UMAD1: variants seen among roughly 807,000 people sequenced by gnomAD.
The protein encoded by UMAD1 is UBAP1-MVB12-associated (UMA)-domain containing protein 1.
Under a neutral mutation model 6.1 loss-of-function variants are expected in UMAD1, and 8 were observed. The ratio of observed to expected loss-of-function variants is 1.30; its 90% CI spans 0.76 to 2.35. The LOEUF (loss-of-function observed/expected upper bound fraction) is 2.35. UMAD1 is among the 30% of genes most tolerant of loss of function. The pLI is 0.00. For synonymous variants in UMAD1, 56 were observed against 31.4 expected, an observed-to-expected ratio of 1.78 and a Z score of -2.61; for missense variants, 130 against 78.4, an observed-to-expected ratio of 1.66 and a Z score of -2.49.
chr7:7,659,664 G>A (rs1785427251), intron 1 of UMAD1, among the ~76,000 whole-genome samples: 1 of 152,232 alleles, frequency 6.6e-6, no homozygotes, highest in Non-Finnish European at 1.5e-5. Flanking sequence ...ACTGTGGTCT[G>A]AGAGACTGTT....
chr7:7,785,704 G>C (rs1303918158), intron 2 of UMAD1, among the ~76,000 whole-genome samples: 1 of 152,208 alleles, frequency 6.6e-6, no homozygotes, highest in Non-Finnish European at 1.5e-5. Context: ...AAAGCTGAAC[G>C]TGGAGGCCAG....
At chr7:7,774,958 C>T (rs1782172648) in intron 2 of UMAD1, among the ~76,000 whole-genome samples, 2 of 152,214 alleles carry the variant, frequency 1.3e-5, no homozygotes, top group Non-Finnish European at 2.9e-5. Context: ...CCCATTTCTT[C>T]TCTAACCTTT....
chr7:7,677,895 G>A (rs563358807), intron 2 of UMAD1, among the ~76,000 whole-genome samples: 5 of 151,566 alleles, frequency 3.3e-5, no homozygotes, highest in African/African-American at 1.2e-4. Context: ...GGATGGTCTC[G>A]ATCTCCTGAC....
At chr7:7,782,016 G>A (rs1351703351) in intron 2 of UMAD1, among the ~76,000 whole-genome samples, 2 of 152,002 alleles carry the variant, frequency 1.3e-5, no homozygotes, top group African/African-American at 4.8e-5. Context: ...AACTAATGAA[G>A]TTGTAGAATG....
chr7:7,732,427 A>G (rs558874881), intron 2 of UMAD1, among the ~76,000 whole-genome samples: 2 of 152,344 alleles, frequency 1.3e-5, no homozygotes, highest in African/African-American at 2.4e-5. Context: ...GTATAACATC[A>G]TAGCCATTTG....
chr7:7,645,875 G>A (rs1331751298), intron 1 of UMAD1, among the ~76,000 whole-genome samples: 1 of 146,544 alleles, frequency 6.8e-6, no homozygotes, highest in Non-Finnish European at 1.5e-5. Context: ...TTCCTTTTTT[G>A]TATAGTCCTT....
chr7:7,689,580 A>C (rs377569897), intron 2 of UMAD1: 3 of 152,244 alleles, frequency 2.0e-5, no homozygotes, highest in East Asian at 3.9e-4. Context: ...ATCTCCCTGG[A>C]TAATCTTTTC....
chr7:7,650,156 T>C (rs1420674667), intron 1 of UMAD1, among the ~76,000 whole-genome samples: 2 of 152,250 alleles, frequency 1.3e-5, no homozygotes, highest in Non-Finnish European at 2.9e-5. Context: ...TTTTATGCTG[T>C]TGTCTAGAGA....
intron 2 of UMAD1, among the ~76,000 whole-genome samples, chr7:7,796,636 T>A (rs1782689207): frequency 6.6e-6 from 1 of 152,182 alleles, no homozygotes; most frequent in South Asian, 2.1e-4. Flanking sequence ...GGATTCTGGT[T>A]TTCGTTCAAG....
intron 2 of UMAD1, among the ~76,000 whole-genome samples, chr7:7,709,387 A>G (rs775501252): frequency 1.1e-4 from 16 of 152,216 alleles, no homozygotes; most frequent in Non-Finnish European, 1.5e-4. Context: ...TCTCTTAAGA[A>G]GATAAGTCCT....
intron 3 of UMAD1, among the ~76,000 whole-genome samples, chr7:7,824,251 T>G (rs565451662): frequency 1.0e-3 from 157 of 152,214 alleles, no homozygotes; most frequent in Non-Finnish European, 1.5e-3. Context: ...CCGGCTCACC[T>G]TCAGTAACTA....
intron 1 of UMAD1, among the ~76,000 whole-genome samples, chr7:7,648,392 C>T (rs10230651): frequency 0.32 from 48,824 of 151,984 alleles, 9,217 homozygotes; most frequent in African/African-American, 0.52. Flanking sequence ...TTTTTGTATT[C>T]TTATGTTCCA....
chr7:7,676,108 C>G, intron 2 of UMAD1: 1 of 398,698 alleles, frequency 2.5e-6, no homozygotes. Flanking sequence ...GCAGAAGCAT[C>G]TCAGAGGCTC....
intron 2 of UMAD1, among the ~76,000 whole-genome samples, chr7:7,702,168 A>G (rs1780478474): frequency 1.3e-5 from 2 of 152,220 alleles, no homozygotes; most frequent in Admixed American, 1.3e-4. Context: ...TATGATAGTC[A>G]TAGCTTGTCT....
chr7:7,675,245 T>C (rs1318994419), intron 2 of UMAD1, among the ~76,000 whole-genome samples: 6 of 152,232 alleles, frequency 3.9e-5, no homozygotes, highest in African/African-American at 1.4e-4. Context: ...GTAAGTTGGG[T>C]GTACTGGCAT....
intron 3 of UMAD1, among the ~76,000 whole-genome samples, chr7:7,805,403 G>T (rs1201720332): frequency 1.3e-5 from 2 of 152,064 alleles, no homozygotes; most frequent in African/African-American, 4.8e-5. Context: ...TGCACATCCA[G>T]TCTATCAGCA....
At chr7:7,715,759 A>G (rs1427727406) in intron 2 of UMAD1, among the ~76,000 whole-genome samples, 1 of 152,228 alleles carries the variant, frequency 6.6e-6, no homozygotes. Context: ...GATGTAAAAG[A>G]TGTAAGAAAG....
At chr7:7,728,809 A>G (rs192140292) in intron 2 of UMAD1, among the ~76,000 whole-genome samples, 16 of 152,302 alleles carry the variant, frequency 1.1e-4, no homozygotes, top group African/African-American at 3.4e-4. Context: ...TTTGTGGTGT[A>G]TCCATGTTTT....
chr7:7,831,216 G>C (rs1216785886), intron 3 of UMAD1, among the ~76,000 whole-genome samples: 1 of 152,064 alleles, frequency 6.6e-6, no homozygotes, highest in African/African-American at 2.4e-5. Context: ...CCATATTTTT[G>C]TGTTCAGCAT....
Sources: allele counts gnomAD v4.1 joint callset (sites outside exome capture counted in the v4.1 genomes callset), GRCh38; gene constraint gnomAD v4.1.1; transcripts MANE v1.5; gene names NCBI Gene and HGNC (gene_info 2026-07-23, HGNC 2026-07-21).